PTPN9: variants seen among roughly 807,000 people sequenced by gnomAD.
PTPN9 encodes the protein tyrosine-protein phosphatase non-receptor type 9.
A neutral mutation model predicts 69.8 loss-of-function variants in PTPN9; 26 were observed. That is an observed-to-expected ratio of 0.37 (90% CI 0.27 to 0.52). The LOEUF is 0.52. Among genes scored for constraint, PTPN9 ranks in the 20% least tolerant of loss-of-function variants. The probability of loss-of-function intolerance (pLI) is 0.91; values close to 1 mark genes in which losing one functional copy is unlikely to be tolerated. For synonymous variants in PTPN9, 274 were observed against 272.5 expected, an observed-to-expected ratio of 1.01 and a Z score of -0.05; for missense variants, 549 against 740.3, an observed-to-expected ratio of 0.74 and a Z score of 3.00.
chr15:75,471,047 A>G, intron 10 of PTPN9: 1 of 555,440 alleles, frequency 1.8e-6, no homozygotes, highest in Non-Finnish European at 3.1e-6. Context: ...TATAGCAGAC[A>G]GTTACTGAGC....
intron 1 of PTPN9, 40 bp downstream of exon 1, chr15:75,578,674 G>T: frequency 7.4e-7 from 1 of 1,347,870 alleles, no homozygotes; most frequent in South Asian, 1.7e-5. Flanking sequence ...GGCCTCGGGG[G>T]CCCGGACACA....
chr15:75,515,637 C>T (rs1377032350), intron 5 of PTPN9, among the ~76,000 whole-genome samples: 1 of 152,010 alleles, frequency 6.6e-6, no homozygotes, highest in Non-Finnish European at 1.5e-5. Context: ...GTGGCTCACG[C>T]CTGTAATCCC....
rs1595962926 is a variant in PTPN9 at position 75,531,622 on chromosome 15, G to A, written c.64-4361C>T. On this transcript the variant is annotated intron_variant, in intron 1 of 12. Coordinates refer to ENST00000618819, the MANE Select transcript of PTPN9 (RefSeq NM_002833.4). ...TTTTGAGACAGAATCTCGCTCTGTC[G>A]CCCAGGCTGGAGTACAGTGGCGCAA... Among the ~76,000 whole-genome samples, 3 of 146,834 alleles carry A rather than the reference G, an allele frequency of 2.0e-5. No homozygotes were observed. In the Admixed American group the frequency reaches 2.1e-4, roughly 10 times the overall value.
intron 1 of PTPN9, among the ~76,000 whole-genome samples, chr15:75,548,652 A>ATTTT (rs540489248): frequency 2.2e-5 from 3 of 133,886 alleles, no homozygotes; most frequent in African/African-American, 2.8e-5. Context: ...ACAAGGGGAA[A>ATTTT]TTTTTTTTTT....
intron 5 of PTPN9, 51 bp downstream of exon 5, chr15:75,517,208 T>A: frequency 7.6e-7 from 1 of 1,323,160 alleles, no homozygotes; most frequent in African/African-American, 1.5e-5. Context: ...TAAAAAAATA[T>A]ATATATCCCA....
At chr15:75,553,790 A>C (rs746410916) in intron 1 of PTPN9, among the ~76,000 whole-genome samples, 8 of 152,030 alleles carry the variant, frequency 5.3e-5, no homozygotes, top group Non-Finnish European at 1.0e-4. Flanking sequence ...TGGCCCCTGC[A>C]TTCTTCCTGA....
At chr15:75,515,940 AAAAT>A (rs2074867480) in intron 5 of PTPN9, among the ~76,000 whole-genome samples, 1 of 152,058 alleles carries the variant, frequency 6.6e-6, no homozygotes, top group African/African-American at 2.4e-5. Flanking sequence ...AATAAAATAA[AAAAT>A]AAATTTTAAA....
intron 7 of PTPN9, 50 bp from the exon 8 acceptor site, chr15:75,490,351 T>C: frequency 1.5e-6 from 2 of 1,330,042 alleles, no homozygotes; most frequent in Non-Finnish European, 2.2e-6. Flanking sequence ...GTGGGGACAG[T>C]ATGTATGTAC....
chr15:75,532,581 T>G (rs1246056066), intron 1 of PTPN9, among the ~76,000 whole-genome samples: 2 of 152,216 alleles, frequency 1.3e-5, no homozygotes, highest in African/African-American at 4.8e-5. Flanking sequence ...TGAGCTGACC[T>G]CTGTCCCCCT....
chr15:75,563,172 G>A (rs1369912082), intron 1 of PTPN9, among the ~76,000 whole-genome samples: 1 of 152,040 alleles, frequency 6.6e-6, no homozygotes, highest in Non-Finnish European at 1.5e-5. Flanking sequence ...ACTTATAAGT[G>A]ATAATGTATG....
intron 9 of PTPN9, among the ~76,000 whole-genome samples, chr15:75,476,390 C>T (rs1412512382): frequency 2.0e-5 from 3 of 152,106 alleles, no homozygotes; most frequent in East Asian, 1.9e-4. Context: ...TCTCAGCTCA[C>T]TGAAACCTCT....
intron 1 of PTPN9, among the ~76,000 whole-genome samples, chr15:75,571,920 A>G (rs964576936): frequency 1.3e-5 from 2 of 152,064 alleles, no homozygotes; most frequent in African/African-American, 2.4e-5. Flanking sequence ...TAACAGAAAC[A>G]TAAGTACTTT....
At chr15:75,475,209 ACAGGGCTGAGCACT>A (rs569187952) in intron 9 of PTPN9, among the ~76,000 whole-genome samples, 188 of 152,284 alleles carry the variant, frequency 1.2e-3, no homozygotes, top group African/African-American at 2.8e-3. Flanking sequence ...TCTCCTTTGC[ACAGGGCTGAGCACT>A]CAGGGCTGAG....
At chr15:75,578,669 C>CG in intron 1 of PTPN9, 45 bp downstream of exon 1, 3 of 1,319,942 alleles carry the variant, frequency 2.3e-6, no homozygotes, top group Admixed American at 3.5e-5. Flanking sequence ...GCGTAGGCCT[C>CG]GGGGGCCCGG....
chr15:75,576,163 C>T (rs1292922921), intron 1 of PTPN9, among the ~76,000 whole-genome samples: 1 of 149,006 alleles, frequency 6.7e-6, no homozygotes, highest in Non-Finnish European at 1.5e-5. Context: ...ATCAGGGAGG[C>T]AGAGTTTGCA....
In PTPN9 at chr15:75,467,022, T is replaced by C. The variant is rs2074539148; in HGVS notation, c.*1747A>G. 1.3e-5 allele frequency: 2 copies of C among 152,346 alleles called. No homozygotes were observed. Among genetic ancestry groups the C allele is most frequent in the South Asian group, 4.1e-4 (2 of 4,830 alleles). The allele number at this position is 152,346 out of a possible 1,614,324, so 9.4% of individuals were successfully genotyped here. On this transcript the variant is annotated 3_prime_UTR_variant, in exon 13 of 13. Coordinates refer to ENST00000618819, the MANE Select transcript of PTPN9 (RefSeq NM_002833.4). ...TGTCAGAACTCAAAGTCTCAGATAC[T>C]GAAGGCTTGGGTCCCTCCCTGCCTC... is the stretch of plus-strand genomic sequence containing the variant.
intron 3 of PTPN9, among the ~76,000 whole-genome samples, chr15:75,523,861 A>C (rs927822716): frequency 6.6e-6 from 1 of 152,200 alleles, no homozygotes; most frequent in Non-Finnish European, 1.5e-5. Flanking sequence ...TTGTTACTAA[A>C]ATAATTTTAT....
chr15:75,545,242 T>C (rs1447408284), intron 1 of PTPN9, among the ~76,000 whole-genome samples: 3 of 151,972 alleles, frequency 2.0e-5, no homozygotes, highest in African/African-American at 7.3e-5. Flanking sequence ...TTTGAACACT[T>C]GCCAATCTGA....
Position 75,469,871 on chromosome 15 carries a change from G to A in PTPN9, c.1488C>T (p.Ser496=). Residue 496 remains serine (S), a synonymous_variant, in exon 12 of 13, where the codon AGC becomes AGT. Transcript: ENST00000618819. ...VVRNQQSLAV[S]NMGARSKGQC... is the part of the protein sequence containing the mutation. ...GCCCTTTGGAGCGTGCTCCCATGTTGCTCACAGCCAGACTCTGCTGGTTTC... is the reference window on the plus strand; with the variant it reads ...GCCCTTTGGAGCGTGCTCCCATGTTACTCACAGCCAGACTCTGCTGGTTTC... 2.5e-6 allele frequency: 4 copies of A among 1,614,070 alleles called. No homozygotes were observed. Among genetic ancestry groups the A allele is most frequent in the Non-Finnish European group, 3.4e-6 (4 of 1,180,032 alleles).
Sources: gnomAD v4.1 joint callset for allele counts (sites outside exome capture counted in the v4.1 genomes callset) on GRCh38, gnomAD v4.1.1 for gene constraint, MANE v1.5 for transcripts, NCBI Gene and HGNC (gene_info 2026-07-23, HGNC 2026-07-21) for gene names.